ANKS1B: variants seen among roughly 807,000 people sequenced by gnomAD.
The protein encoded by ANKS1B is ankyrin repeat and sterile alpha motif domain-containing protein 1B.
Under a neutral mutation model 148.3 loss-of-function variants are expected in ANKS1B, and 36 were observed. That is an observed-to-expected ratio of 0.24 (90% CI 0.19 to 0.32). The LOEUF (loss-of-function observed/expected upper bound fraction) is 0.32, where lower values mean the gene tolerates loss of function less well. Among genes scored for constraint, ANKS1B ranks in the 10% least tolerant of loss-of-function variants. The pLI is 1.00. For missense variants in ANKS1B, 1,157 were observed against 1,542.6 expected (o/e 0.75, Z 4.19); for synonymous variants, 542 against 560.8 (o/e 0.97, Z 0.47).
At chr12:99,833,294 C>A (rs2084320076) in intron 1 of ANKS1B, among the ~76,000 whole-genome samples, 1 of 152,152 alleles carries the variant, frequency 6.6e-6, no homozygotes, top group South Asian at 2.1e-4. Context: ...AAGTATGTTC[C>A]TCACATGATC....
intron 9 of ANKS1B, among the ~76,000 whole-genome samples, chr12:98,736,131 T>C (rs2097771784): frequency 6.6e-6 from 1 of 152,160 alleles, no homozygotes; most frequent in Admixed American, 6.6e-5. Context: ...GACTTCACTT[T>C]TGACTCTGGG....
intron 12 of ANKS1B, among the ~76,000 whole-genome samples, chr12:99,262,346 G>A (rs1488783532): frequency 6.6e-6 from 1 of 152,004 alleles, no homozygotes; most frequent in East Asian, 1.9e-4. Flanking sequence ...CTGGAACATA[G>A]TGGATAATCA....
intron 12 of ANKS1B, among the ~76,000 whole-genome samples, chr12:99,342,202 A>C (rs755627732): frequency 7.9e-5 from 12 of 152,140 alleles, no homozygotes; most frequent in Admixed American, 2.0e-4. Flanking sequence ...GATATATGAA[A>C]ATAAGAGAGC....
At position 99,385,339 on chromosome 12, in the gene ANKS1B, C is replaced by T. The variant is rs187461803; in HGVS notation, c.1756+14292G>A. On this transcript the variant is annotated intron_variant, in intron 12 of 26. Coordinates refer to ENST00000683438, the MANE Select transcript of ANKS1B (RefSeq NM_001352186.2). ...CAAAAATCAGCTGGGCGTGCTGGCA[C>T]GTGCCTGTAGTCCCAGCTACTCAGG... 4.4e-3 allele frequency among the ~76,000 whole-genome samples: 669 copies of T among 152,198 alleles called. 21 individuals carry two copies. The highest frequency in any genetic ancestry group is 3.4e-3 in the Middle Eastern group (1 of 294).
At chr12:99,456,623 T>G (rs2095851381) in intron 10 of ANKS1B, among the ~76,000 whole-genome samples, 1 of 151,994 alleles carries the variant, frequency 6.6e-6, no homozygotes, top group African/African-American at 2.4e-5. Flanking sequence ...AATTACAAAA[T>G]GCACTGGGAA....
At chr12:99,913,341 G>A (rs892857240) in intron 1 of ANKS1B, among the ~76,000 whole-genome samples, 1 of 152,024 alleles carries the variant, frequency 6.6e-6, no homozygotes, top group Admixed American at 6.6e-5. Flanking sequence ...TTTAAAAAAG[G>A]AAACATCAAA....
chr12:99,778,234 G>A (rs879649472), intron 6 of ANKS1B, among the ~76,000 whole-genome samples: 2 of 151,636 alleles, frequency 1.3e-5, no homozygotes, highest in Non-Finnish European at 2.9e-5. Context: ...GAGGCTGGGC[G>A]CTGTGGCTCA....
intron 17 of ANKS1B, among the ~76,000 whole-genome samples, chr12:98,868,033 C>G (rs1595864500): frequency 6.6e-6 from 1 of 152,150 alleles, no homozygotes; most frequent in South Asian, 2.1e-4. Context: ...GAGGAGCGAT[C>G]TAAACACCAC....
chr12:98,895,396 G>T, intron 17 of ANKS1B: 1 of 811,906 alleles, frequency 1.2e-6, no homozygotes, highest in Non-Finnish European at 1.5e-6. Flanking sequence ...CTCGGCAGCG[G>T]CAGAGCAGTG....
At chr12:99,213,946 A>G (rs2153923366) in intron 14 of ANKS1B, among the ~76,000 whole-genome samples, 1 of 152,298 alleles carries the variant, frequency 6.6e-6, no homozygotes, top group African/African-American at 2.4e-5. Flanking sequence ...CTTCACATCA[A>G]AGCTGTTGGT....
chr12:99,265,961 T>C (rs2076403163), intron 12 of ANKS1B, among the ~76,000 whole-genome samples: 1 of 152,188 alleles, frequency 6.6e-6, no homozygotes, highest in Admixed American at 6.5e-5. Flanking sequence ...AATCAGCATG[T>C]AGATGTCACC....
chr12:99,529,081 T>C (rs1039583051), intron 9 of ANKS1B, among the ~76,000 whole-genome samples: 13 of 152,104 alleles, frequency 8.5e-5, no homozygotes, highest in African/African-American at 1.4e-4. Flanking sequence ...CCAGGTGAAA[T>C]TGGAAATGGT....
chr12:99,842,294 G>A (rs1312085320), intron 1 of ANKS1B, among the ~76,000 whole-genome samples: 1 of 152,014 alleles, frequency 6.6e-6, no homozygotes, highest in Non-Finnish European at 1.5e-5. Context: ...CCACATTATA[G>A]TCAGAAAAGA....
intron 16 of ANKS1B, among the ~76,000 whole-genome samples, chr12:99,066,005 T>A (rs571165969): frequency 8.6e-5 from 13 of 151,758 alleles, no homozygotes; most frequent in Non-Finnish European, 1.6e-4. Flanking sequence ...GAGGAGAAGA[T>A]TTGGACAAAG....
chr12:98,900,808 G>A (rs558313075), intron 17 of ANKS1B, among the ~76,000 whole-genome samples: 2 of 152,250 alleles, frequency 1.3e-5, no homozygotes, highest in Non-Finnish European at 2.9e-5. Flanking sequence ...TACCTGTGAT[G>A]TCATATGTCG....
intron 25 of ANKS1B, 102 bp downstream of exon 25, chr12:98,772,940 T>C (rs1332097281): frequency 1.5e-6 from 2 of 1,354,148 alleles, no homozygotes; most frequent in African/African-American, 2.9e-5. Flanking sequence ...TAATACCGGG[T>C]AAACAAGCCA....
intron 14 of ANKS1B, among the ~76,000 whole-genome samples, chr12:99,185,655 C>T (rs1436413939): frequency 1.3e-5 from 2 of 152,150 alleles, no homozygotes; most frequent in Non-Finnish European, 2.9e-5. Context: ...GGGACTCCCT[C>T]CCCTAGCCAA....
chr12:99,880,436 C>T (rs145335660), intron 1 of ANKS1B, among the ~76,000 whole-genome samples: 313 of 152,276 alleles, frequency 2.1e-3, no homozygotes, highest in African/African-American at 7.4e-3. Flanking sequence ...AGGATAGCAT[C>T]ATTCAAATTT....
intron 12 of ANKS1B, among the ~76,000 whole-genome samples, chr12:99,330,361 T>C (rs1312619807): frequency 6.6e-6 from 1 of 151,964 alleles, no homozygotes; most frequent in Non-Finnish European, 1.5e-5. Flanking sequence ...AATGGAAGAT[T>C]CCTAGCCTGA....
Sources: allele counts gnomAD v4.1 joint callset (sites outside exome capture counted in the v4.1 genomes callset), GRCh38; gene constraint gnomAD v4.1.1; transcripts MANE v1.5; gene names NCBI Gene and HGNC (gene_info 2026-07-23, HGNC 2026-07-21).